NFKB1: variants seen among roughly 807,000 people sequenced by gnomAD.
NFKB1 encodes the protein nuclear factor kappa B subunit 1.
In NFKB1, 9 loss-of-function variants were observed where a neutral mutation model predicts 105.1. The observed-to-expected ratio is 0.09, with a 90% CI of 0.05 to 0.15. The LOEUF is 0.15. Among genes scored for constraint, NFKB1 ranks in the 10% least tolerant of loss-of-function variants. NFKB1 has a pLI of 1.00. For synonymous variants in NFKB1, 440 were observed against 442.2 expected, an observed-to-expected ratio of 1.00 and a Z score of 0.06; for missense variants, 830 against 1,203.7, an observed-to-expected ratio of 0.69 and a Z score of 4.59.
chr4:102,555,827 G>A (rs1181768854), intron 5 of NFKB1, among the ~76,000 whole-genome samples: 1 of 152,146 alleles, frequency 6.6e-6, no homozygotes, highest in African/African-American at 2.4e-5. Flanking sequence ...TTAGAAAATG[G>A]GTAAGCTATA....
rs201137510 is a variant in NFKB1, at chr4:102,607,146, C to T, written c.1955-4C>T. On this transcript the variant is annotated splice_polypyrimidine_tract_variant and splice_region_variant and intron_variant, in intron 17 of 23. Coordinates refer to ENST00000226574, the MANE Select transcript of NFKB1 (RefSeq NM_003998.4). ...CTGTGACTGTCCCTTTGCTTGGACT[C>T]TAGGTCTGAATGCCATTCATCTAGC... 42 of 1,614,146 alleles carry T rather than the reference C, an allele frequency of 2.6e-5. No homozygotes were observed. Among genetic ancestry groups the T allele is most frequent in the Non-Finnish European group, 4.2e-6 (5 of 1,180,022 alleles).
chr4:102,606,655 C>G lies in NFKB1; in HGVS notation c.1912C>G (p.His638Asp), dbSNP rs1235666404. Residue 638 changes from histidine (H) to aspartate (D), a missense_variant, in exon 17 of 24, where the codon CAC becomes GAC. His to Asp is a moderately conservative substitution (Grantham distance 81). Coordinates refer to ENST00000226574, the MANE Select transcript of NFKB1 (RefSeq NM_003998.4). ...HDKVLSILLK[H>D]KKAALLLDHP... ...TAAAGTTCTCAGTATCTTACTCAAG[C>G]ACAAAAAGGCAGCACTACTTCTTGA... The G allele has an allele frequency of 6.2e-7, 1 of 1,614,062 alleles. No homozygotes were observed. Among genetic ancestry groups the G allele is most frequent in the Non-Finnish European group, 8.5e-7 (1 of 1,180,036 alleles).
intron 1 of NFKB1, among the ~76,000 whole-genome samples, chr4:102,522,560 A>G (rs1740639047): frequency 6.6e-6 from 1 of 152,216 alleles, no homozygotes; most frequent in Non-Finnish European, 1.5e-5. Flanking sequence ...CATCAGTTCT[A>G]ATAAAGTAGG....
At chr4:102,573,434 T>A (rs1288860381) in intron 6 of NFKB1, among the ~76,000 whole-genome samples, 4 of 152,202 alleles carry the variant, frequency 2.6e-5, no homozygotes, top group Non-Finnish European at 4.4e-5. Flanking sequence ...TTCCTCTGTA[T>A]ATAATTTTTT....
intron 17 of NFKB1, 51 bp from the exon 18 acceptor site, chr4:102,607,099 C>T (rs1270226046): frequency 6.3e-7 from 1 of 1,591,522 alleles, no homozygotes; most frequent in African/African-American, 1.3e-5. Flanking sequence ...CAAGGGCCAT[C>T]TTGTGAGTTA....
intron 1 of NFKB1, among the ~76,000 whole-genome samples, chr4:102,519,751 A>G (rs896348801): frequency 2.6e-5 from 4 of 152,170 alleles, no homozygotes; most frequent in African/African-American, 7.2e-5. Flanking sequence ...AGAACCAGAG[A>G]CTGTGGGGTC....
At chr4:102,513,614 C>T (rs1453302916) in intron 1 of NFKB1, among the ~76,000 whole-genome samples, 1 of 152,122 alleles carries the variant, frequency 6.6e-6, no homozygotes, top group Admixed American at 6.5e-5. Flanking sequence ...AATTTAGATG[C>T]TTCTTTCAGG....
intron 1 of NFKB1, 114 bp from the exon 2 acceptor site, chr4:102,525,398 A>G: frequency 1.1e-6 from 1 of 901,510 alleles, no homozygotes; most frequent in South Asian, 1.7e-5. Flanking sequence ...AAAAAGGATT[A>G]TATTTGGTCT....
intron 2 of NFKB1, 136 bp downstream of exon 2, chr4:102,525,693 C>G (rs1358638208): frequency 1.3e-6 from 1 of 748,972 alleles, no homozygotes; most frequent in Admixed American, 2.8e-5. Context: ...GTTTCTCTGT[C>G]CTTTCATGTG....
At chr4:102,505,616 G>A (rs1235991259) in intron 1 of NFKB1, among the ~76,000 whole-genome samples, 6 of 152,044 alleles carry the variant, frequency 3.9e-5, no homozygotes, top group Non-Finnish European at 7.4e-5. Flanking sequence ...TTCATCTATG[G>A]ATCCTATTAG....
intron 1 of NFKB1, among the ~76,000 whole-genome samples, chr4:102,508,070 T>C (rs1739543670): frequency 6.6e-6 from 1 of 152,220 alleles, no homozygotes; most frequent in Admixed American, 6.5e-5. Flanking sequence ...TTGGATGTTT[T>C]AACACAAATT....
intron 4 of NFKB1, among the ~76,000 whole-genome samples, chr4:102,537,353 G>A (rs1741709613): frequency 6.6e-6 from 1 of 152,178 alleles, no homozygotes; most frequent in Non-Finnish European, 1.5e-5. Flanking sequence ...GTCTAGCACA[G>A]GGTGTGTTCT....
intron 9 of NFKB1, among the ~76,000 whole-genome samples, chr4:102,582,449 T>C (rs1725384554): frequency 6.6e-6 from 1 of 152,202 alleles, no homozygotes; most frequent in African/African-American, 2.4e-5. Context: ...GCACTTAGAA[T>C]AGCATCTGCC....
intron 15 of NFKB1, among the ~76,000 whole-genome samples, chr4:102,599,642 T>C (rs191682793): frequency 3.3e-5 from 5 of 152,326 alleles, no homozygotes; most frequent in Admixed American, 6.5e-5. Flanking sequence ...AAGAGATGGC[T>C]TTGGAGTAAG....
intron 18 of NFKB1, 66 bp downstream of exon 18, chr4:102,607,385 AGAAG>A (rs1727870639): frequency 1.3e-6 from 2 of 1,551,814 alleles, no homozygotes; most frequent in Non-Finnish European, 1.8e-6. Context: ...ATCTTTTCAA[AGAAG>A]GAAGTCAGTA....
Position 102,596,316 on chromosome 4 carries a change from G to C in NFKB1, c.1479G>C (p.Glu493Asp), listed in dbSNP as rs760208617. 2.5e-6 allele frequency: 4 copies of C among 1,608,338 alleles called. No individual in the cohort carries two copies. The African/African-American group carries it at 5.3e-5, about 22-fold the overall frequency. Residue 493 changes from glutamate to aspartate, a missense_variant, in exon 14 of 24, where the codon GAG becomes GAC. Transcript: ENST00000226574. ...TLTYATGTKE[E>D]SAGVQDNLFL... Reference sequence around the variant, plus strand: ...CGTATGCAACAGGAACAAAAGAAGAGAGTGCTGGAGTTCAGGGTAAGTGAG... The same window carrying C: ...CGTATGCAACAGGAACAAAAGAAGACAGTGCTGGAGTTCAGGGTAAGTGAG...
chr4:102,519,322 TTATA>T (rs1009189218), intron 1 of NFKB1, among the ~76,000 whole-genome samples: 215 of 147,754 alleles, frequency 1.5e-3, no homozygotes, highest in African/African-American at 4.9e-3. Context: ...TATTTATATG[TTATA>T]TATAAAGTAT....
chr4:102,598,603 A>G (rs1221200169), intron 15 of NFKB1, among the ~76,000 whole-genome samples: 1 of 152,214 alleles, frequency 6.6e-6, no homozygotes, highest in African/African-American at 2.4e-5. Flanking sequence ...GTATGAGAGG[A>G]ACCAGTACAA....
At chr4:102,517,792 AC>A (rs1232711284) in intron 1 of NFKB1, among the ~76,000 whole-genome samples, 1 of 152,228 alleles carries the variant, frequency 6.6e-6, no homozygotes, top group Non-Finnish European at 1.5e-5. Context: ...GAACAAATGT[AC>A]AAGATGGAAA....
Sources: allele counts gnomAD v4.1 joint callset (sites outside exome capture counted in the v4.1 genomes callset), GRCh38; gene constraint gnomAD v4.1.1; transcripts MANE v1.5; gene names NCBI Gene and HGNC (gene_info 2026-07-23, HGNC 2026-07-21).